ASTN2: variants seen among roughly 807,000 people sequenced by gnomAD.
The protein encoded by ASTN2 is astrotactin 2, also known as astrotactin-2.
A neutral mutation model predicts 139.8 loss-of-function variants in ASTN2; 54 were observed. The observed-to-expected ratio is 0.39, with a 90% CI of 0.31 to 0.48. The LOEUF is 0.48. ASTN2 is among the 20% of genes least tolerant of loss of function. The pLI is 0.95. For missense variants in ASTN2, 1,565 were observed against 1,725.1 expected, an observed-to-expected ratio of 0.91 and a Z score of 1.64; for synonymous variants, 756 against 719.5, an observed-to-expected ratio of 1.05 and a Z score of -0.81.
intron 10 of ASTN2, among the ~76,000 whole-genome samples, chr9:116,894,867 C>A (rs1474205894): frequency 6.6e-6 from 1 of 152,218 alleles, no homozygotes; most frequent in African/African-American, 2.4e-5. Context: ...CAAACCTCTG[C>A]AAACAGTATG....
chr9:117,169,673 T>C (rs893880543), intron 3 of ASTN2, among the ~76,000 whole-genome samples: 1 of 151,802 alleles, frequency 6.6e-6, no homozygotes, highest in African/African-American at 2.4e-5. Flanking sequence ...GCAAAACTCA[T>C]GTTAACGAAC....
At chr9:116,493,980 C>A (rs1051845742) in intron 19 of ASTN2, among the ~76,000 whole-genome samples, 2 of 152,138 alleles carry the variant, frequency 1.3e-5, no homozygotes, top group Non-Finnish European at 2.9e-5. Context: ...GCTCTCTCTG[C>A]ATTTCCTTTA....
At chr9:116,821,887 T>C (rs1371450035) in intron 11 of ASTN2, among the ~76,000 whole-genome samples, 2 of 152,102 alleles carry the variant, frequency 1.3e-5, no homozygotes, top group Non-Finnish European at 2.9e-5. Context: ...TTTCCATCAT[T>C]TGATGAGGCT....
chr9:116,553,935 G>T (rs903644496), intron 19 of ASTN2, among the ~76,000 whole-genome samples: 2 of 152,206 alleles, frequency 1.3e-5, no homozygotes, highest in East Asian at 3.8e-4. Flanking sequence ...ATCTAAAGGT[G>T]TAAGTTGTTC....
chr9:116,608,233 G>A (rs557715671), intron 19 of ASTN2, among the ~76,000 whole-genome samples: 95 of 152,294 alleles, frequency 6.2e-4, no homozygotes, highest in African/African-American at 2.1e-3. Flanking sequence ...AGGAAAAATT[G>A]AAGCAATCTG....
At position 116,553,636 on chromosome 9, in the gene ASTN2, T is replaced by C. The variant is rs147551605; in HGVS notation, c.3355+64688A>G. Among the ~76,000 whole-genome samples the C allele has an allele frequency of 4.7e-3, 712 of 152,310 alleles. 1 individual carries two copies. Among genetic ancestry groups the C allele is most frequent in the South Asian group, 0.02 (98 of 4,822 alleles). On this transcript the variant is annotated intron_variant, in intron 19 of 22. Coordinates refer to ENST00000313400, the MANE Select transcript of ASTN2 (RefSeq NM_001365068.1). ...GAAGACTTGAGCCCAAGTCGAACTT[T>C]TACCTTCCTAGGCTGGTGTGATGGA...
chr9:116,629,218 C>A (rs1337512440), intron 17 of ASTN2, among the ~76,000 whole-genome samples: 3 of 151,020 alleles, frequency 2.0e-5, no homozygotes, highest in African/African-American at 7.3e-5. Flanking sequence ...CCCGGGTTCA[C>A]GCCATTCTCC....
chr9:116,929,736 A>T (rs1417485934), intron 10 of ASTN2, among the ~76,000 whole-genome samples: 1 of 152,190 alleles, frequency 6.6e-6, no homozygotes, highest in Non-Finnish European at 1.5e-5. Flanking sequence ...CGCTCCAGCA[A>T]TTTCACATTA....
chr9:116,442,346 A>G, intron 21 of ASTN2, 107 bp downstream of exon 21: 1 of 853,214 alleles, frequency 1.2e-6, no homozygotes, highest in South Asian at 1.4e-5. Flanking sequence ...TCCCTGTGCC[A>G]GTGTGTCAGG....
At position 116,686,831 on chromosome 9, in the gene ASTN2, C is replaced by G. The variant is rs767582051; in HGVS notation, c.2807-35038G>C. Reference sequence around the variant, plus strand: ...GGATAAACTTGTCTCTAGTGCAGCTCTCTGTCAGAGCACAGAACATGAGGC... The same window carrying G: ...GGATAAACTTGTCTCTAGTGCAGCTGTCTGTCAGAGCACAGAACATGAGGC... On this transcript the variant is annotated intron_variant, in intron 16 of 22. Transcript: ENST00000313400. 4.8e-5 allele frequency: 75 copies of G among 1,550,276 alleles called. 1 individual carries two copies. The South Asian group carries it at 8.1e-4, about 17-fold the overall frequency.
At chr9:116,432,663 C>G (rs1847534013) in intron 22 of ASTN2, among the ~76,000 whole-genome samples, 1 of 152,242 alleles carries the variant, frequency 6.6e-6, no homozygotes, top group Admixed American at 6.5e-5. Context: ...ACTGGGATTA[C>G]TCATGCCTGT....
chr9:117,140,753 G>T (rs1464826128), intron 4 of ASTN2, among the ~76,000 whole-genome samples: 1 of 152,142 alleles, frequency 6.6e-6, no homozygotes, highest in Non-Finnish European at 1.5e-5. Flanking sequence ...AATAAATGCT[G>T]GGTTAGGCAC....
At chr9:116,542,141 C>T (rs1056388426) in intron 19 of ASTN2, among the ~76,000 whole-genome samples, 5 of 151,964 alleles carry the variant, frequency 3.3e-5, no homozygotes, top group Admixed American at 6.6e-5. Flanking sequence ...CTTTTATTTC[C>T]TTTTTATTAA....
chr9:117,326,430 A>T (rs1828521152), intron 1 of ASTN2, among the ~76,000 whole-genome samples: 1 of 152,142 alleles, frequency 6.6e-6, no homozygotes, highest in South Asian at 2.1e-4. Context: ...CTGAGCACAG[A>T]TCATAAGGAA....
At chr9:117,331,673 A>G (rs1051381989) in intron 1 of ASTN2, among the ~76,000 whole-genome samples, 4 of 152,184 alleles carry the variant, frequency 2.6e-5, no homozygotes, top group African/African-American at 9.6e-5. Flanking sequence ...AGCGATTTTC[A>G]ACACAATCCT....
At chr9:116,773,120 C>A (rs558486918) in intron 13 of ASTN2, among the ~76,000 whole-genome samples, 1 of 142,688 alleles carries the variant, frequency 7.0e-6, no homozygotes, top group Non-Finnish European at 1.5e-5. Flanking sequence ...TCTTGATAGT[C>A]TGCCCAGTGA....
intron 10 of ASTN2, among the ~76,000 whole-genome samples, chr9:116,960,348 C>G (rs1012736037): frequency 6.6e-6 from 1 of 152,176 alleles, no homozygotes; most frequent in Non-Finnish European, 1.5e-5. Context: ...TTAGACTATG[C>G]ATGCCAGCTT....
chr9:116,699,899 A>T lies in ASTN2; in HGVS notation c.2806+25872T>A, dbSNP rs555611773. On this transcript the variant is annotated intron_variant, in intron 16 of 22. Transcript: ENST00000313400. The surrounding 1 kb of genome is among the most constrained non-coding windows in gnomAD (Gnocchi z 4.2). ...CTCCCCGCTTCCCACCTAAATTTAGAGCTTTAAAAGATGCACTGCCCAAAT... is the reference window on the plus strand; with the variant it reads ...CTCCCCGCTTCCCACCTAAATTTAGTGCTTTAAAAGATGCACTGCCCAAAT... 25 of 757,058 alleles carry T rather than the reference A, an allele frequency of 3.3e-5. 1 individual carries two copies. In the African/African-American group the frequency reaches 4.1e-4, roughly 12 times the overall value. The allele number at this position is 757,058 out of a possible 1,614,324, so 46.9% of individuals were successfully genotyped here.
At chr9:116,754,631 G>A (rs186603687) in intron 13 of ASTN2, among the ~76,000 whole-genome samples, 3 of 152,240 alleles carry the variant, frequency 2.0e-5, no homozygotes, top group Admixed American at 1.3e-4. Context: ...TTGTGGGAGA[G>A]CCCACGTGTC....
Sources: allele counts gnomAD v4.1 joint callset (sites outside exome capture counted in the v4.1 genomes callset), GRCh38; gene constraint gnomAD v4.1.1; non-coding constraint Gnocchi (gnomAD v3.1); transcripts MANE v1.5; gene names NCBI Gene and HGNC (gene_info 2026-07-23, HGNC 2026-07-21).